Variants in DOCK10 observed in about 807,000 individuals in gnomAD.
The protein encoded by DOCK10 is dedicator of cytokinesis 10, also known as dedicator of cytokinesis protein 10.
In DOCK10, 145 loss-of-function variants were observed where a neutral mutation model predicts 280.1. That is an observed-to-expected ratio of 0.52 (90% CI 0.45 to 0.59). The LOEUF is 0.59. DOCK10 is among the 20% of genes least tolerant of loss of function. The probability of loss-of-function intolerance (pLI) is 0.00; values close to 1 mark genes in which losing one functional copy is unlikely to be tolerated. For missense variants in DOCK10, 2,368 were observed against 2,651.7 expected, an observed-to-expected ratio of 0.89 and a Z score of 2.35; for synonymous variants, 915 against 942.2, an observed-to-expected ratio of 0.97 and a Z score of 0.53.
chr2:224,904,027 G>A (rs1001034823), intron 3 of DOCK10, among the ~76,000 whole-genome samples: 3 of 151,850 alleles, frequency 2.0e-5, no homozygotes, highest in Non-Finnish European at 4.4e-5. Context: ...ATCATTTTTT[G>A]TGTATTTATT....
chr2:224,957,181 C>T lies in DOCK10; in HGVS notation c.124-25513G>A, dbSNP rs568683900. ...CGCCCTCTGCTGTGCCCATCTGTGA[C>T]AGCCACTGAGGTCCTCAGAAGTTGC... On this transcript the variant is annotated intron_variant, in intron 1 of 55. Coordinates refer to ENST00000258390, the MANE Select transcript of DOCK10 (RefSeq NM_014689.3). 7.7e-4 allele frequency among the ~76,000 whole-genome samples: 117 copies of T among 152,162 alleles called. 1 individual carries two copies. The highest frequency in any genetic ancestry group is 3.4e-3 in the Middle Eastern group (1 of 294).
chr2:224,814,158 A>C (rs940547887), intron 31 of DOCK10, among the ~76,000 whole-genome samples, 162 bp downstream of exon 31: 2 of 152,250 alleles, frequency 1.3e-5, no homozygotes, highest in African/African-American at 4.8e-5. Flanking sequence ...TCATTAAACT[A>C]TCTGTGACAA....
chr2:224,956,449 C>G (rs1042975457), intron 1 of DOCK10, among the ~76,000 whole-genome samples: 1 of 151,926 alleles, frequency 6.6e-6, no homozygotes, highest in Non-Finnish European at 1.5e-5. Context: ...CATGGTGAAA[C>G]TCTGTCTCTA....
intron 3 of DOCK10, among the ~76,000 whole-genome samples, chr2:224,899,661 G>A (rs1017149870): frequency 3.9e-5 from 6 of 152,014 alleles, no homozygotes; most frequent in East Asian, 1.9e-4. Flanking sequence ...AAAGTGAGTC[G>A]TTTTTATGGC....
intron 39 of DOCK10, among the ~76,000 whole-genome samples, chr2:224,803,129 T>C (rs1216802106): frequency 6.6e-6 from 1 of 152,102 alleles, no homozygotes; most frequent in Non-Finnish European, 1.5e-5. Flanking sequence ...GGGACAGAAA[T>C]GGCCAGGACC....
chr2:224,969,246 C>T (rs779803484), intron 1 of DOCK10, among the ~76,000 whole-genome samples: 3 of 152,170 alleles, frequency 2.0e-5, no homozygotes, highest in African/African-American at 4.8e-5. Flanking sequence ...ACAATCCTAA[C>T]GTTTCTCCTT....
In DOCK10 at chr2:224,765,815, G is replaced by C. The variant is rs761865929; in HGVS notation, c.6467C>G (p.Ser2156Ter). 1.2e-6 allele frequency: 2 copies of C among 1,613,778 alleles called. No homozygotes were observed. Among genetic ancestry groups the C allele is most frequent in the Non-Finnish European group, 1.7e-6 (2 of 1,179,822 alleles). ...NEQITGRDDL[S>*]KRGVDQTCTR... ...GCAGGTTTGGTCCACTCCGCGCTTTGACAGGTCGTCCCTGCCCGTAATCTT... is the reference window on the plus strand; with the variant it reads ...GCAGGTTTGGTCCACTCCGCGCTTTCACAGGTCGTCCCTGCCCGTAATCTT... Residue 2156 changes from serine to a stop codon, truncating the protein, a stop_gained, in exon 56 of 56, where the codon TCA (serine) becomes TGA (stop). Coordinates refer to ENST00000258390, the MANE Select transcript of DOCK10 (RefSeq NM_014689.3). LOFTEE classifies it low-confidence loss of function (END_TRUNC).
chr2:224,948,487 T>C (rs955963743), intron 1 of DOCK10, among the ~76,000 whole-genome samples: 7 of 152,238 alleles, frequency 4.6e-5, no homozygotes, highest in African/African-American at 1.4e-4. Context: ...CGCTTTGACA[T>C]CTGACAGATG....
intron 11 of DOCK10, among the ~76,000 whole-genome samples, chr2:224,870,363 G>A (rs775144974): frequency 6.6e-6 from 1 of 152,282 alleles, no homozygotes; most frequent in African/African-American, 2.4e-5. Flanking sequence ...GACTAATACA[G>A]GTATTTCCAA....
intron 22 of DOCK10, 137 bp downstream of exon 22, chr2:224,844,615 CA>C (rs1433811291): frequency 1.6e-6 from 1 of 641,698 alleles, no homozygotes; most frequent in Non-Finnish European, 2.8e-6. Flanking sequence ...ATGCCCTTAA[CA>C]TTCTTCCTTT....
intron 1 of DOCK10, chr2:224,983,628 G>A (rs757470531): frequency 8.4e-6 from 3 of 357,376 alleles, no homozygotes; most frequent in East Asian, 7.4e-5. Flanking sequence ...GGTTGCTTTC[G>A]CGGAAGCATC....
chr2:224,968,078 C>G (rs1331656815), intron 1 of DOCK10, among the ~76,000 whole-genome samples: 1 of 151,976 alleles, frequency 6.6e-6, no homozygotes, highest in African/African-American at 2.4e-5. Flanking sequence ...AACTTTTGAA[C>G]ATAGAGTAAG....
Position 224,805,655 on chromosome 2 carries a change from A to C in DOCK10, c.3815-126T>G. The C allele has an allele frequency of 8.0e-7, 1 of 1,242,464 alleles. No individual in the cohort carries two copies. 77.0% of individuals were successfully genotyped at this position (1,242,464 alleles called of 1,614,324 possible). A position where few individuals can be genotyped will look rare whatever the true frequency, so the allele number is the denominator to read the frequency against. On this transcript the variant is annotated intron_variant, in intron 34 of 55. Transcript: ENST00000258390. The surrounding 1 kb of genome is among the most constrained non-coding windows in gnomAD (Gnocchi z 4.3). Reference sequence around the variant, plus strand: ...AGCAGCAGTGTTGTCAAAGACCAACATAACAGCGTCTGGGATTGGCATTAA... The same window carrying C: ...AGCAGCAGTGTTGTCAAAGACCAACCTAACAGCGTCTGGGATTGGCATTAA...
Position 224,802,036 on chromosome 2 carries a change from G to A in DOCK10, c.4273C>T (p.His1425Tyr), listed in dbSNP as rs1002912527. Reference protein sequence around the residue: ...QTSGLLSQWMHSTSSHEGHKQ... With the variant: ...QTSGLLSQWMYSTSSHEGHKQ... ...TGGCCTTCATGACTGGAAGTGGAGT[G>A]CATCCTGAAAACAAAAAAAGAAAAG... The change falls in exon 40 of 56, where the codon CAC becomes TAC. Residue 1425 changes from histidine (H) to tyrosine (Y), a missense_variant. Transcript: ENST00000258390. The A allele has an allele frequency of 1.2e-6, 2 of 1,611,264 alleles. No homozygotes were observed. The highest frequency in any genetic ancestry group is 1.7e-6 in the Non-Finnish European group (2 of 1,178,808).
At chr2:224,768,758 C>T in intron 55 of DOCK10, 1 of 289,084 alleles carries the variant, frequency 3.5e-6, no homozygotes, top group South Asian at 3.0e-5. Flanking sequence ...TAAATAAAAA[C>T]TTAGAGAGCA....
chr2:224,785,605 T>C (rs1691678270), intron 50 of DOCK10, among the ~76,000 whole-genome samples: 2 of 152,096 alleles, frequency 1.3e-5, no homozygotes, highest in Middle Eastern at 3.2e-3. Flanking sequence ...CTCAGTCTCC[T>C]GAGTAGCTGG....
intron 31 of DOCK10, among the ~76,000 whole-genome samples, chr2:224,811,432 G>A (rs1693767924): frequency 6.6e-6 from 1 of 152,064 alleles, no homozygotes; most frequent in Non-Finnish European, 1.5e-5. Flanking sequence ...CCATTTTGTA[G>A]GTTGCCTGTT....
chr2:225,020,789 G>A (rs993003120), intron 1 of DOCK10, among the ~76,000 whole-genome samples: 7 of 152,170 alleles, frequency 4.6e-5, no homozygotes, highest in African/African-American at 1.4e-4. Flanking sequence ...TAAGAAAAAT[G>A]GAACTGGTTT....
At chr2:224,771,131 A>AG (rs35956923) in intron 53 of DOCK10, among the ~76,000 whole-genome samples, 2 of 151,884 alleles carry the variant, frequency 1.3e-5, no homozygotes, top group Admixed American at 6.6e-5. Context: ...AGACGGGGGA[A>AG]GGGGGGCGGT....
Sources: gnomAD v4.1 joint callset for allele counts (sites outside exome capture counted in the v4.1 genomes callset) on GRCh38, gnomAD v4.1.1 for gene constraint, Gnocchi (gnomAD v3.1) non-coding constraint, MANE v1.5 for transcripts, NCBI Gene and HGNC (gene_info 2026-07-23, HGNC 2026-07-21) for gene names.